The following NRXN1 variants were observed in gnomAD, a reference collection of about 807,000 sequenced individuals.
The protein encoded by NRXN1 is neurexin 1.
NRXN1 carries 39 observed loss-of-function variants against 150.9 expected under a neutral mutation model. The ratio of observed to expected loss-of-function variants is 0.26; its 90% CI spans 0.20 to 0.34. The LOEUF (loss-of-function observed/expected upper bound fraction) is 0.34, where lower values mean the gene tolerates loss of function less well. Among genes scored for constraint, NRXN1 ranks in the 10% least tolerant of loss-of-function variants. The pLI, the probability that NRXN1 is intolerant of heterozygous loss-of-function variation, is 1.00. For missense variants in NRXN1, 1,815 were observed against 1,949.9 expected, an observed-to-expected ratio of 0.93 and a Z score of 1.30; for synonymous variants, 924 against 757.0, an observed-to-expected ratio of 1.22 and a Z score of -3.62.
At chr2:50,998,103 G>C (rs1699564919) in intron 2 of NRXN1, among the ~76,000 whole-genome samples, 1 of 141,096 alleles carries the variant, frequency 7.1e-6, no homozygotes, top group South Asian at 2.3e-4. Context: ...GTCTTTCCAG[G>C]TTTTCTGACA....
intron 18 of NRXN1, among the ~76,000 whole-genome samples, chr2:50,171,775 G>C (rs1327522236): frequency 6.6e-6 from 1 of 152,214 alleles, no homozygotes. Flanking sequence ...AAGCCAGTTA[G>C]ATTAGCAGGG....
chr2:50,437,247 C>A (rs971879877), intron 17 of NRXN1, among the ~76,000 whole-genome samples: 2 of 152,202 alleles, frequency 1.3e-5, no homozygotes, highest in Admixed American at 6.5e-5. Flanking sequence ...AATATTTAAG[C>A]ATTCAACATA....
intron 17 of NRXN1, among the ~76,000 whole-genome samples, chr2:50,408,837 A>ATCTCTCTCCCTCTCTCTCTCTC (rs2082938018): frequency 1.0e-4 from 14 of 136,534 alleles, no homozygotes; most frequent in African/African-American, 2.1e-4. Context: ...ATCAATCTCA[A>ATCTCTCTCCCTCTCTCTCTCTC]TCTCTCTCTC....
chr2:50,087,692 T>A (rs1573837647), intron 19 of NRXN1, among the ~76,000 whole-genome samples: 1 of 152,122 alleles, frequency 6.6e-6, no homozygotes, highest in East Asian at 1.9e-4. Context: ...GGATACTAGG[T>A]CTTCTATTCA....
chr2:50,176,788 T>C (rs1156985609), intron 18 of NRXN1, among the ~76,000 whole-genome samples: 2 of 152,126 alleles, frequency 1.3e-5, no homozygotes, highest in East Asian at 3.9e-4. Context: ...CCCCTGGTCT[T>C]CCCAAATCAC....
intron 15 of NRXN1, among the ~76,000 whole-genome samples, chr2:50,489,766 G>A (rs887515080): frequency 6.6e-6 from 1 of 152,148 alleles, no homozygotes; most frequent in Non-Finnish European, 1.5e-5. Flanking sequence ...TTTAAAAAAT[G>A]CTTTTAGTAG....
At chr2:50,278,946 A>G (rs2152930545) in intron 17 of NRXN1, among the ~76,000 whole-genome samples, 1 of 152,340 alleles carries the variant, frequency 6.6e-6, no homozygotes, top group East Asian at 1.9e-4. Flanking sequence ...AATTCCTAAA[A>G]TAAAAATGAC....
rs746465882 is a variant in NRXN1, at chr2:51,027,502, C to T, written c.772G>A (p.Glu258Lys). The change falls in exon 2 of 23, where the codon GAA (glutamate) becomes AAA (lysine). Residue 258 changes from glutamate (E) to lysine (K), a missense_variant and splice_region_variant. Physicochemically the swap from Glu to Lys is moderately conservative, Grantham distance 56. Around this residue, in one of 6 missense-constraint regions of NRXN1, gnomAD observed 554 missense variants for 478.8 expected, o/e 1.16. Coordinates refer to ENST00000401669, the MANE Select transcript of NRXN1 (RefSeq NM_001330078.2). ...CCGTGGGTCGGGCGTCGGGCCTTACCTTGGCTGCAGTCCTTGCCGCGGAAG... is the reference window on the plus strand; with the variant it reads ...CCGTGGGTCGGGCGTCGGGCCTTACTTTGGCTGCAGTCCTTGCCGCGGAAG... ...TGFRGKDCSQEDNNVEGLAHL... is the reference protein window; with the variant it reads ...TGFRGKDCSQKDNNVEGLAHL... The T allele has an allele frequency of 1.8e-5, 28 of 1,525,144 alleles. No homozygotes were observed. Among genetic ancestry groups the T allele is most frequent in the Non-Finnish European group, 2.4e-5 (27 of 1,135,756 alleles). The allele number at this position is 1,525,144 out of a possible 1,614,324, so 94.5% of individuals were successfully genotyped here.
intron 2 of NRXN1, among the ~76,000 whole-genome samples, chr2:50,946,719 T>C (rs948748028): frequency 2.0e-5 from 3 of 152,168 alleles, no homozygotes; most frequent in Non-Finnish European, 4.4e-5. Flanking sequence ...CACCTCAATA[T>C]ACTTTAAAAA....
chr2:50,731,195 C>A (rs367870333), intron 5 of NRXN1, among the ~76,000 whole-genome samples: 6 of 152,082 alleles, frequency 3.9e-5, no homozygotes, highest in Admixed American at 6.6e-5. Flanking sequence ...ACATATTATT[C>A]TTCTTCTATA....
intron 17 of NRXN1, among the ~76,000 whole-genome samples, chr2:50,262,001 T>C (rs1352855573): frequency 2.0e-5 from 3 of 151,882 alleles, no homozygotes; most frequent in Non-Finnish European, 2.9e-5. Context: ...TATTCTGAGT[T>C]TAAAATGTCA....
chr2:50,621,096 A>T (rs1679933327), intron 7 of NRXN1, 130 bp downstream of exon 7: 3 of 696,178 alleles, frequency 4.3e-6, no homozygotes, highest in Non-Finnish European at 2.3e-6. Context: ...CAAAGTAAGC[A>T]GAAGAGTACC....
chr2:50,235,278 CATTT>C (rs996364420), intron 18 of NRXN1, among the ~76,000 whole-genome samples: 2 of 152,092 alleles, frequency 1.3e-5, no homozygotes. Context: ...CTTAACTGAT[CATTT>C]ATTTATGATG....
At chr2:50,467,799 G>T (rs1290795713) in intron 16 of NRXN1, among the ~76,000 whole-genome samples, 1 of 151,262 alleles carries the variant, frequency 6.6e-6, no homozygotes, top group Non-Finnish European at 1.5e-5. Context: ...TTAGTTATTT[G>T]TAATAAAGAA....
chr2:50,295,076 C>T (rs770127770), intron 17 of NRXN1, among the ~76,000 whole-genome samples: 3 of 152,170 alleles, frequency 2.0e-5, no homozygotes, highest in Non-Finnish European at 4.4e-5. Context: ...ATGAATCATA[C>T]ATATTTCCTA....
At chr2:51,005,550 A>G (rs1378458223) in intron 2 of NRXN1, among the ~76,000 whole-genome samples, 1 of 152,008 alleles carries the variant, frequency 6.6e-6, no homozygotes, top group Non-Finnish European at 1.5e-5. Flanking sequence ...AATGTTTAAG[A>G]AAGTCTCACA....
At chr2:50,924,284 C>T (rs1282542493) in intron 3 of NRXN1, among the ~76,000 whole-genome samples, 3 of 151,830 alleles carry the variant, frequency 2.0e-5, no homozygotes, top group South Asian at 2.1e-4. Flanking sequence ...AGACTTTCTA[C>T]CTATACTGTA....
intron 15 of NRXN1, among the ~76,000 whole-genome samples, chr2:50,472,827 GTGTATATATA>G (rs2089645847): frequency 1.3e-5 from 1 of 77,668 alleles, no homozygotes; most frequent in South Asian, 5.8e-4. Context: ...GTGTGTGTGT[GTGTATATATA>G]TATATAAGTT....
rs191050050 is a variant in NRXN1, at chr2:50,117,113, T to C, written c.3547-25619A>G. Among the ~76,000 whole-genome samples the C allele has an allele frequency of 7.5e-3, 1,137 of 152,280 alleles. 63 individuals carry two copies. Among genetic ancestry groups the C allele is most frequent in the Admixed American group, 0.069 (1,056 of 15,274 alleles). ...TAGATATTTTCAGAATGTTTGATTA[T>C]GATTGTTTGTATCAGAATCTGTTTA... On this transcript the variant is annotated intron_variant, in intron 18 of 22. Coordinates refer to ENST00000401669, the MANE Select transcript of NRXN1 (RefSeq NM_001330078.2).
Sources: gnomAD v4.1 joint callset for allele counts (sites outside exome capture counted in the v4.1 genomes callset) on GRCh38, gnomAD v4.1.1 for gene constraint, gnomAD v4.1.1 regional missense constraint, MANE v1.5 for transcripts, NCBI Gene and HGNC (gene_info 2026-07-23, HGNC 2026-07-21) for gene names.